The following ABCA7 variants were observed in gnomAD, a reference collection of about 807,000 sequenced individuals.
ABCA7 encodes the protein ATP binding cassette subfamily A member 7, also known as phospholipid-transporting ATPase ABCA7.
ABCA7 carries 261 observed loss-of-function variants against 227.6 expected under a neutral mutation model. That is an observed-to-expected ratio of 1.15 (90% confidence interval 1.04 to 1.27). The LOEUF (loss-of-function observed/expected upper bound fraction) is 1.27. Ranked by LOEUF, ABCA7 falls within the 50% of genes most tolerant of loss-of-function variation. The pLI is 0.00. For synonymous variants in ABCA7, 1,488 were observed against 1,279.7 expected, an observed-to-expected ratio of 1.16 and a Z score of -3.47; for missense variants, 3,331 against 2,924.5, an observed-to-expected ratio of 1.14 and a Z score of -3.21.
At position 1,064,948 on chromosome 19, in the gene ABCA7, C is replaced by G; in HGVS notation, c.6062C>G (p.Thr2021Arg). The change falls in exon 46 of 47, where the codon ACA becomes AGA. Residue 2021 changes from threonine (T) to arginine (R), a missense_variant. Coordinates refer to ENST00000263094, the MANE Select transcript of ABCA7 (RefSeq NM_019112.4). ...CACTGCAGATTCGCGGCGGGTCACA[C>G]ACTGACCCTGCGGGTGCCCGCCGCA... ...HLKGRFAAGH[T>R]LTLRVPAARS... 1 of 1,545,292 alleles carries G rather than the reference C, an allele frequency of 6.5e-7. No homozygotes were observed. Among genetic ancestry groups the G allele is most frequent in the Non-Finnish European group, 8.7e-7 (1 of 1,145,988 alleles).
Position 1,062,266 on chromosome 19 carries a change from G to T in ABCA7, c.5665G>T (p.Glu1889Ter), listed in dbSNP as rs1206221844. ...GCTGCTGACGGGCCGCGAGCACCTG[G>T]AGCTGCTTGCGCGCCTGCGCGGTGT... Reference protein sequence around the residue: ...FELLTGREHLELLARLRGVPE... With the variant: ...FELLTGREHL Residue 1889 changes from glutamate (E) to a stop codon, truncating the protein, a stop_gained, in exon 42 of 47, where the codon GAG becomes TAG. Transcript: ENST00000263094. LOFTEE classifies it high-confidence loss of function. The T allele has an allele frequency of 6.2e-7, 1 of 1,610,998 alleles. No homozygotes were observed. The highest frequency in any genetic ancestry group is 1.3e-5 in the African/African-American group (1 of 75,020).
rs137969988 is a variant in ABCA7, at chr19:1,051,999, G to C, written c.3020G>C (p.Arg1007Pro). ...HLDEAELLGD[R>P]VAVVAGGRLC... ...GATGAGGCAGAGCTGCTGGGAGACC[G>C]TGTGGCCGTGGTGGCAGGTGGCCGC... is the stretch of plus-strand genomic sequence containing the variant. The change falls in exon 22 of 47, where the codon CGT becomes CCT. Residue 1007 changes from arginine to proline, a missense_variant. Transcript: ENST00000263094. 2 of 1,612,212 alleles carry C rather than the reference G, an allele frequency of 1.2e-6. No homozygotes were observed. The highest frequency in any genetic ancestry group is 1.7e-5 in the Admixed American group (1 of 60,012).
rs397709972 is a variant in ABCA7, at chr19:1,055,499, C to CTTT, written c.4205+167_4205+169dup. ...GGAGTCTCGCGTACCTTCCTTTCCT[C>CTTT]TTTTTTTTTTTTTTTTTTTTTGAGA... is the stretch of plus-strand genomic sequence containing the variant. On this transcript the variant is annotated intron_variant, in intron 30 of 46. Transcript: ENST00000263094. 1,731 of 426,642 alleles carry CTTT rather than the reference C, an allele frequency of 4.1e-3. 1 individual carries two copies. Among genetic ancestry groups the CTTT allele is most frequent in the South Asian group, 7.5e-3 (209 of 27,864 alleles). The allele number at this position is 426,642 out of a possible 1,614,324, so 26.4% of individuals were successfully genotyped here.
At chr19:1,064,284 G>A (rs1320402469) in intron 45 of ABCA7, 31 bp downstream of exon 45, 1 of 1,532,198 alleles carries the variant, frequency 6.5e-7, no homozygotes, top group South Asian at 1.2e-5. Context: ...GGCAGGTGTG[G>A]GGTGAGGGTG....
Position 1,051,581 on chromosome 19 carries a change from G to A in ABCA7, c.2957G>A (p.Arg986Gln), listed in dbSNP as rs543605819. 10 of 1,611,586 alleles carry A rather than the reference G, an allele frequency of 6.2e-6. No homozygotes were observed. Among genetic ancestry groups the A allele is most frequent in the African/African-American group, 2.7e-5 (2 of 75,012 alleles). ...RGIWELLLKYREGRTLILSTH... is the reference protein window; with the variant it reads ...RGIWELLLKYQEGRTLILSTH... ...ATTTGGGAGCTGCTGCTCAAATACC[G>A]AGAAGGTAAGAGCTGGGGATTCTGC... is the stretch of plus-strand genomic sequence containing the variant. Residue 986 changes from arginine (R) to glutamine (Q), a missense_variant, in exon 21 of 47, where the codon CGA (arginine) becomes CAA (glutamine). Physicochemically the swap from Arg to Gln is conservative, Grantham distance 43. Transcript: ENST00000263094.
intron 45 of ABCA7, 65 bp downstream of exon 45, chr19:1,064,318 G>C: frequency 4.1e-6 from 6 of 1,454,220 alleles, no homozygotes; most frequent in Non-Finnish European, 5.5e-6. Context: ...GCTCAGGGGA[G>C]AGGCCAGACG....
intron 24 of ABCA7, 60 bp downstream of exon 24, chr19:1,053,591 T>C: frequency 6.5e-7 from 1 of 1,537,298 alleles, no homozygotes; most frequent in Non-Finnish European, 8.8e-7. Context: ...GAGGAGGTGG[T>C]GTTTTGAAGG....
intron 23 of ABCA7, 33 bp from the exon 24 acceptor site, chr19:1,053,296 G>A (rs757316439): frequency 1.3e-5 from 20 of 1,591,086 alleles, no homozygotes; most frequent in Admixed American, 1.2e-4. Context: ...GGCGTGAGCC[G>A]GGGCTCCCTG....
chr19:1,045,144 C>G lies in ABCA7; in HGVS notation c.1358C>G (p.Pro453Arg). ...GACTCTTCAGACCCCACAGAGCACC[C>G]AACCCCAGACCTGGGCCCCGGCCAC... ...PEDSSDPTEHPTPDLGPGHVR... is the reference protein window; with the variant it reads ...PEDSSDPTEHRTPDLGPGHVR... Residue 453 changes from proline (P) to arginine (R), a missense_variant, in exon 12 of 47, where the codon CCA becomes CGA. Physicochemically the swap from Pro to Arg is moderately radical, Grantham distance 103. Coordinates refer to ENST00000263094, the MANE Select transcript of ABCA7 (RefSeq NM_019112.4). 1 of 1,612,876 alleles carries G rather than the reference C, an allele frequency of 6.2e-7. No homozygotes were observed. Among genetic ancestry groups the G allele is most frequent in the Non-Finnish European group, 8.5e-7 (1 of 1,179,964 alleles).
chr19:1,064,035 C>T lies in ABCA7; in HGVS notation c.5952-126C>T, dbSNP rs988320052. On this transcript the variant is annotated intron_variant, in intron 44 of 46. Transcript: ENST00000263094. ...GTGGGACGCGGCGCCGGGATCAGAA[C>T]GGTCTGGGGAAGAGTGGGGAGATGT... 35 of 1,337,058 alleles carry T rather than the reference C, an allele frequency of 2.6e-5. No individual in the cohort carries two copies. In the African/African-American group the frequency reaches 4.3e-4, roughly 16 times the overall value. The allele number at this position is 1,337,058 out of a possible 1,614,324, so 82.8% of individuals were successfully genotyped here.
At chr19:1,064,405 G>A (rs527277194) in intron 45 of ABCA7, 152 bp downstream of exon 45, 25 of 943,310 alleles carry the variant, frequency 2.7e-5, no homozygotes, top group Non-Finnish European at 2.3e-5. Context: ...GGGTGACTGA[G>A]GGGGCGAGAC....
chr19:1,048,940 G>A lies in ABCA7; in HGVS notation c.2315G>A (p.Ser772Asn), dbSNP rs2041063997. 18 of 1,609,724 alleles carry A rather than the reference G, an allele frequency of 1.1e-5. No individual in the cohort carries two copies. Among genetic ancestry groups the A allele is most frequent in the Non-Finnish European group, 1.4e-5 (17 of 1,178,452 alleles). Residue 772 changes from serine (S) to asparagine (N), a missense_variant, in exon 17 of 47, where the codon AGC (serine) becomes AAC (asparagine). Transcript: ENST00000263094. ...CCATGGAATTTTCCTTTTCGGAGGAGCTACTGGTGCGGACCTCGGCCCCCC... is the reference window on the plus strand; with the variant it reads ...CCATGGAATTTTCCTTTTCGGAGGAACTACTGGTGCGGACCTCGGCCCCCC... ...PEPWNFPFRR[S>N]YWCGPRPPKS...
chr19:1,041,094 C>T (rs1030965567), intron 1 of ABCA7, 131 bp from the exon 2 acceptor site: 15 of 573,392 alleles, frequency 2.6e-5, no homozygotes, highest in Non-Finnish European at 4.7e-5. Context: ...GTCAGCCCTG[C>T]TCAGAGCGAC....
chr19:1,047,070 G>C (rs776988759), intron 14 of ABCA7, 46 bp downstream of exon 14: 1 of 1,551,816 alleles, frequency 6.4e-7, no homozygotes, highest in Non-Finnish European at 8.7e-7. Context: ...GTGCGCTGGA[G>C]GGTGACAGAC....
intron 12 of ABCA7, chr19:1,045,569 T>A (rs74253465): frequency 0.15 from 41,774 of 275,366 alleles, 3,908 homozygotes; most frequent in East Asian, 0.35. Context: ...AGATCTTGCC[T>A]GTTATCTCAG....
chr19:1,061,869 G>A lies in ABCA7; in HGVS notation c.5551G>A (p.Ala1851Thr). The change falls in exon 41 of 47, where the codon GCT becomes ACT. Residue 1851 changes from alanine to threonine, a missense_variant. By Grantham distance (58) the Ala-to-Thr change is moderately conservative. Transcript: ENST00000263094. Reference sequence around the variant, plus strand: ...GGACACATTGGCCAGCAGGGGCGAGGCTGTGCTGGCAGGCCACAGGTGAGG... The same window carrying A: ...GGACACATTGGCCAGCAGGGGCGAGACTGTGCTGGCAGGCCACAGGTGAGG... ...TGDTLASRGEAVLAGHSVARE... is the reference protein window; with the variant it reads ...TGDTLASRGETVLAGHSVARE... 6.3e-7 allele frequency: 1 copy of A among 1,597,758 alleles called. No homozygotes were observed. Among genetic ancestry groups the A allele is most frequent in the Non-Finnish European group, 8.5e-7 (1 of 1,173,910 alleles).
At chr19:1,055,499 CTTTTTTTTTTTTT>C (rs397709972) in intron 30 of ABCA7, 148 bp downstream of exon 30, 1 of 386,308 alleles carries the variant, frequency 2.6e-6, no homozygotes, top group African/African-American at 3.3e-5. Context: ...TTCCTTTCCT[CTTTTTTTTTTTTT>C]TTTTTTTTGA....
intron 22 of ABCA7, 31 bp downstream of exon 22, chr19:1,052,157 C>T: frequency 6.2e-7 from 1 of 1,609,678 alleles, no homozygotes; most frequent in Non-Finnish European, 8.5e-7. Flanking sequence ...GACCCCTGAC[C>T]CCCGGGACTC....
chr19:1,064,805 G>A (rs1487098536), intron 45 of ABCA7, 126 bp from the exon 46 acceptor site: 4 of 1,387,238 alleles, frequency 2.9e-6, no homozygotes, highest in African/African-American at 1.5e-5. Context: ...TGAGACGGGA[G>A]GACCACTTGA....
Sources: allele counts gnomAD v4.1 joint callset, GRCh38; gene constraint gnomAD v4.1.1; transcripts MANE v1.5; gene names NCBI Gene and HGNC (gene_info 2026-07-23, HGNC 2026-07-21).